Variants in FSHR observed in about 807,000 individuals in gnomAD.
FSHR encodes follicle stimulating hormone receptor, also known as follicle-stimulating hormone receptor.
A neutral mutation model predicts 52.1 loss-of-function variants in FSHR; 46 were observed. The ratio of observed to expected loss-of-function variants is 0.88; its 90% CI spans 0.70 to 1.13. The LOEUF (loss-of-function observed/expected upper bound fraction) is 1.13. Ranked by LOEUF, FSHR falls within the 50% of genes most tolerant of loss-of-function variation. The probability of loss-of-function intolerance (pLI) is 0.00; values close to 1 mark genes in which losing one functional copy is unlikely to be tolerated. For synonymous variants in FSHR, 399 were observed against 309.6 expected (o/e 1.29, Z -3.03); for missense variants, 964 against 834.6 (o/e 1.16, Z -1.91).
chr2:49,107,522 A>G (rs183748993), intron 1 of FSHR, among the ~76,000 whole-genome samples: 3 of 151,820 alleles, frequency 2.0e-5, no homozygotes, highest in African/African-American at 7.3e-5. Context: ...TTTAATGAGT[A>G]CTTACTGGAA....
At chr2:49,017,889 A>G (rs188654163) in intron 3 of FSHR, among the ~76,000 whole-genome samples, 47 of 152,282 alleles carry the variant, frequency 3.1e-4, no homozygotes, top group African/African-American at 1.0e-3. Context: ...TTTAACCAGT[A>G]AGAATCGCCC....
At chr2:49,056,446 AT>A (rs1669066119) in intron 2 of FSHR, among the ~76,000 whole-genome samples, 1 of 1,078 alleles carries the variant, frequency 9.3e-4, no homozygotes, top group Admixed American at 0.024. Flanking sequence ...TACAATTGGA[AT>A]ATATATATAT....
At chr2:49,022,287 C>CAA (rs386390142) in intron 2 of FSHR, among the ~76,000 whole-genome samples, 5 of 151,614 alleles carry the variant, frequency 3.3e-5, no homozygotes, top group African/African-American at 9.7e-5. Context: ...ATTATTAGAA[C>CAA]AAAGTAAAGA....
At chr2:48,966,925 A>G (rs1164086491) in intron 9 of FSHR, among the ~76,000 whole-genome samples, 2 of 152,118 alleles carry the variant, frequency 1.3e-5, no homozygotes, top group Non-Finnish European at 2.9e-5. Context: ...GAGGGATCAG[A>G]GAAGACCTCA....
chr2:49,049,851 A>ATATATATATAT (rs1668791622), intron 2 of FSHR, among the ~76,000 whole-genome samples: 2 of 143,728 alleles, frequency 1.4e-5, no homozygotes, highest in African/African-American at 5.1e-5. Flanking sequence ...ATATATATAT[A>ATATATATATAT]ATAAAAACCA....
At chr2:49,119,407 T>C (rs563124574) in intron 1 of FSHR, among the ~76,000 whole-genome samples, 2 of 152,226 alleles carry the variant, frequency 1.3e-5, no homozygotes, top group South Asian at 4.1e-4. Context: ...GTTTTTGTTT[T>C]TTCATCCTAG....
chr2:48,969,682 A>T (rs1015998115), intron 8 of FSHR, among the ~76,000 whole-genome samples: 1 of 152,210 alleles, frequency 6.6e-6, no homozygotes, highest in African/African-American at 2.4e-5. Flanking sequence ...ACTGAGTGTG[A>T]GAGAGAGAAA....
chr2:49,086,576 A>G (rs58059563), intron 1 of FSHR, among the ~76,000 whole-genome samples: 35,676 of 152,170 alleles, frequency 0.23, 4,312 homozygotes, highest in East Asian at 0.28. Flanking sequence ...TTTTCATACT[A>G]TAAATGCCTG....
At chr2:49,020,507 A>T (rs1486209734) in intron 2 of FSHR, among the ~76,000 whole-genome samples, 1 of 146,972 alleles carries the variant, frequency 6.8e-6, no homozygotes, top group African/African-American at 2.5e-5. Flanking sequence ...GTCAGTAAAC[A>T]TTTTTTTTTT....
chr2:49,030,686 G>A (rs1668071760), intron 2 of FSHR, among the ~76,000 whole-genome samples: 1 of 152,178 alleles, frequency 6.6e-6, no homozygotes, highest in African/African-American at 2.4e-5. Context: ...TGCATGCAAA[G>A]CTGTTATCCA....
intron 1 of FSHR, among the ~76,000 whole-genome samples, chr2:49,152,220 A>G (rs1673087549): frequency 6.6e-6 from 1 of 152,142 alleles, no homozygotes; most frequent in Non-Finnish European, 1.5e-5. Flanking sequence ...ACACTGAAGT[A>G]AGGAATTGAC....
At chr2:49,014,851 C>T in intron 4 of FSHR, 1 of 459,580 alleles carries the variant, frequency 2.2e-6, no homozygotes, top group Non-Finnish European at 4.5e-6. Flanking sequence ...TCTGGGGATG[C>T]CTCTTCATGT....
At chr2:49,052,416 A>G (rs17038187) in intron 2 of FSHR, among the ~76,000 whole-genome samples, 14,645 of 152,244 alleles carry the variant, frequency 0.096, 1,100 homozygotes, top group East Asian at 0.21. Context: ...CTAAACTATC[A>G]TCTACCTCAG....
At chr2:49,001,475 G>C (rs539889235) in intron 4 of FSHR, among the ~76,000 whole-genome samples, 1 of 152,214 alleles carries the variant, frequency 6.6e-6, no homozygotes, top group Admixed American at 6.5e-5. Flanking sequence ...GAGTTGCCAA[G>C]CAGCAAACTT....
At chr2:49,014,487 C>G in intron 4 of FSHR, among the ~76,000 whole-genome samples, 1 of 152,130 alleles carries the variant, frequency 6.6e-6, no homozygotes, top group Non-Finnish European at 1.5e-5. Flanking sequence ...TTCTCCCTCT[C>G]TCCCTTCCTC....
chr2:48,966,179 G>C (rs765304381), intron 9 of FSHR, among the ~76,000 whole-genome samples: 12 of 152,176 alleles, frequency 7.9e-5, no homozygotes, highest in Non-Finnish European at 1.6e-4. Context: ...TACAGTGCTT[G>C]GTAGTGAATA....
intron 4 of FSHR, among the ~76,000 whole-genome samples, chr2:49,008,028 T>C (rs1667129907): frequency 6.6e-6 from 1 of 151,940 alleles, no homozygotes; most frequent in African/African-American, 2.4e-5. Context: ...ATTTTTTTTA[T>C]TTTTTATTTT....
At position 49,154,354 on chromosome 2, in the gene FSHR, T is replaced by G; in HGVS notation, c.64A>C (p.Ile22Leu). The part of the protein sequence containing the change: ...LSLGSGCHHR[I>L]CHCSNRVFLC... ...AAAACCCTGTTAGAGCAGTGACAGATCCGATGATGACATCCTGAGCCCAAG... is the reference window on the plus strand; with the variant it reads ...AAAACCCTGTTAGAGCAGTGACAGAGCCGATGATGACATCCTGAGCCCAAG... Residue 22 changes from isoleucine to leucine, a missense_variant, in exon 1 of 10, where the codon ATC (isoleucine) becomes CTC (leucine). By Grantham distance (5) the Ile-to-Leu change is conservative. Coordinates refer to ENST00000406846, the MANE Select transcript of FSHR (RefSeq NM_000145.4). 6.2e-7 allele frequency: 1 copy of G among 1,613,608 alleles called. No individual in the cohort carries two copies. The highest frequency in any genetic ancestry group is 8.5e-7 in the Non-Finnish European group (1 of 1,179,908).
At chr2:49,056,967 A>T (rs181849597) in intron 2 of FSHR, among the ~76,000 whole-genome samples, 1 of 152,216 alleles carries the variant, frequency 6.6e-6, no homozygotes, top group African/African-American at 2.4e-5. Context: ...TTAAATGAAA[A>T]TGAAAACACA....
Sources: allele counts gnomAD v4.1 joint callset (sites outside exome capture counted in the v4.1 genomes callset), GRCh38; gene constraint gnomAD v4.1.1; transcripts MANE v1.5; gene names NCBI Gene and HGNC (gene_info 2026-07-23, HGNC 2026-07-21).